DOCK9: variants seen among roughly 807,000 people sequenced by gnomAD.
DOCK9 encodes the protein dedicator of cytokinesis 9, also known as dedicator of cytokinesis protein 9.
Under a neutral mutation model 263.3 loss-of-function variants are expected in DOCK9, and 89 were observed. That is an observed-to-expected ratio of 0.34 (90% CI 0.28 to 0.40). The LOEUF is 0.40. Ranked by LOEUF, DOCK9 falls within the 10% of genes least tolerant of loss-of-function variation. DOCK9 has a pLI of 1.00. For missense variants in DOCK9, 2,140 were observed against 2,603.4 expected (o/e 0.82, Z 3.87); for synonymous variants, 976 against 973.1 (o/e 1.00, Z -0.06).
chr13:98,925,259 T>C (rs1310902453), intron 4 of DOCK9, among the ~76,000 whole-genome samples: 5 of 152,188 alleles, frequency 3.3e-5, no homozygotes, highest in Non-Finnish European at 5.9e-5. Context: ...ATGGAACCTT[T>C]TATAAAAGAT....
In DOCK9 at chr13:98,888,638, A is replaced by G; in HGVS notation, c.1783T>C (p.Phe595Leu). ...DITIDNVSSD[F>L]PNYVNSSYIP... Reference sequence around the variant, plus strand: ...ATGTAGAACTGACACTTACTAGGGAAGTCTGAGGAAACATTATCAATTGTA... The same window carrying G: ...ATGTAGAACTGACACTTACTAGGGAGGTCTGAGGAAACATTATCAATTGTA... Residue 595 changes from phenylalanine (F) to leucine (L), a missense_variant, in exon 16 of 53, where the codon TTC becomes CTC. Phe to Leu is a conservative substitution (Grantham distance 22). Transcript: ENST00000682017. 6.2e-7 allele frequency: 1 copy of G among 1,613,836 alleles called. No individual in the cohort carries two copies. The highest frequency in any genetic ancestry group is 8.5e-7 in the Non-Finnish European group (1 of 1,179,746).
intron 1 of DOCK9, among the ~76,000 whole-genome samples, chr13:98,960,020 A>T (rs2058462425): frequency 6.6e-6 from 1 of 152,152 alleles, no homozygotes; most frequent in Non-Finnish European, 1.5e-5. Context: ...AGTGACAAGA[A>T]CATCACGCTA....
At chr13:98,967,790 C>G (rs77519164) in intron 1 of DOCK9, among the ~76,000 whole-genome samples, 1 of 152,242 alleles carries the variant, frequency 6.6e-6, no homozygotes, top group East Asian at 1.9e-4. Flanking sequence ...TTTTCCACTT[C>G]AAAAATATTA....
At chr13:99,076,556 T>C (rs776714775) in intron 1 of DOCK9, among the ~76,000 whole-genome samples, 3 of 152,158 alleles carry the variant, frequency 2.0e-5, no homozygotes, top group Admixed American at 6.5e-5. Flanking sequence ...ATTGGCAAAT[T>C]AGTCATATGT....
At chr13:98,927,330 A>G (rs2053131172) in intron 3 of DOCK9, among the ~76,000 whole-genome samples, 1 of 152,208 alleles carries the variant, frequency 6.6e-6, no homozygotes, top group Non-Finnish European at 1.5e-5. Flanking sequence ...AGATTTCAGA[A>G]TAATCCATAG....
rs755581664 is a variant in DOCK9 at position 98,824,428 on chromosome 13, G to A, written c.5100C>T (p.Asp1700=). 12 of 1,613,896 alleles carry A rather than the reference G, an allele frequency of 7.4e-6. No homozygotes were observed. In the East Asian group the frequency reaches 1.6e-4, roughly 21 times the overall value. ...TGAAATGGACATCCTGCATCCCCAC[G>A]TCTTCCATCATGGAGGCCTCCTCGT... is the stretch of plus-strand genomic sequence containing the variant. The part of the protein sequence containing the change: ...NIDEEASMME[D]VGMQDVHFNE... Residue 1700 remains aspartate, a synonymous_variant, in exon 45 of 53, where the codon GAC becomes GAT. Transcript: ENST00000682017.
chr13:98,817,451 C>CTTTTTTTTTTTTTTTT lies in DOCK9; in HGVS notation c.5130+6931_5130+6946dup, dbSNP rs10683281. Reference sequence around the variant, plus strand: ...TGTGAGAACAGACTAATACACCCAGCTTTTTTTTTTTTTTTTTTTTTGGTA... The same window carrying CTTTTTTTTTTTTTTTT: ...TGTGAGAACAGACTAATACACCCAGCTTTTTTTTTTTTTTTTTTTTTTTTTTTTTTTTTTTTTGGTA... On this transcript the variant is annotated intron_variant, in intron 45 of 52. Coordinates refer to ENST00000682017, the MANE Select transcript of DOCK9 (RefSeq NM_001366683.2). Among the ~76,000 whole-genome samples the CTTTTTTTTTTTTTTTT allele has an allele frequency of 2.7e-4, 26 of 97,614 alleles. 4 individuals carry two copies. Among genetic ancestry groups the CTTTTTTTTTTTTTTTT allele is most frequent in the African/African-American group, 1.0e-3 (21 of 20,256 alleles). 64.0% of individuals were successfully genotyped at this position (97,614 alleles called of 152,430 possible).
In DOCK9 at chr13:98,794,616, T is replaced by G. The variant is rs766667738; in HGVS notation, c.*10A>C. 12 of 1,579,476 alleles carry G rather than the reference T, an allele frequency of 7.6e-6. No homozygotes were observed. In the East Asian group the frequency reaches 2.3e-4, roughly 30 times the overall value. ...AAAGCAAGTCCCCACACACGGGCCA[T>G]GAGATGTAATCACACGACCGAAGAC... On this transcript the variant is annotated 3_prime_UTR_variant, in exon 53 of 53. Coordinates refer to ENST00000682017, the MANE Select transcript of DOCK9 (RefSeq NM_001366683.2).
At chr13:98,818,008 C>A (rs2092012647) in intron 45 of DOCK9, among the ~76,000 whole-genome samples, 1 of 152,120 alleles carries the variant, frequency 6.6e-6, no homozygotes, top group Non-Finnish European at 1.5e-5. Flanking sequence ...TATAGTTTAT[C>A]AGTCCAAATA....
At chr13:98,862,439 A>G (rs1441479053) in intron 32 of DOCK9, among the ~76,000 whole-genome samples, 5 of 152,222 alleles carry the variant, frequency 3.3e-5, no homozygotes, top group African/African-American at 9.6e-5. Flanking sequence ...CTGTAATCCC[A>G]GAACTTTGGG....
In DOCK9 at chr13:98,829,769, C is replaced by A; in HGVS notation, c.4636-13G>T. The A allele has an allele frequency of 2.5e-6, 4 of 1,581,546 alleles. No individual in the cohort carries two copies. The highest frequency in any genetic ancestry group is 3.4e-6 in the Non-Finnish European group (4 of 1,160,700). The stretch of plus-strand genomic sequence containing the variant: ...CAGATATGATGACCTTAGGGACACA[C>A]AAACATGAGCAAATCAATTTACCTT... On this transcript the variant is annotated splice_polypyrimidine_tract_variant and intron_variant, in intron 41 of 52. Transcript: ENST00000682017. The surrounding 1 kb of genome is among the most constrained non-coding windows in gnomAD (Gnocchi z 4.1).
At position 98,920,967 on chromosome 13, in the gene DOCK9, A is replaced by G. The variant is rs1332745345; in HGVS notation, c.704T>C (p.Met235Thr). ...TTTCATATTTACCTGAACGACACCC[A>G]TACAGGAATCCAGAAATATTGATCC... is the stretch of plus-strand genomic sequence containing the variant. ...PKGSIFLDSC[M>T]GVVQNNKVRR... The change falls in exon 7 of 53, where the codon ATG becomes ACG. Residue 235 changes from methionine to threonine, a missense_variant. This residue lies in a region of DOCK9 where 1,521 missense variants were observed against 1,741.7 expected (regional missense o/e 0.87). Transcript: ENST00000682017. The G allele has an allele frequency of 6.2e-7, 1 of 1,607,994 alleles. No individual in the cohort carries two copies. Among genetic ancestry groups the G allele is most frequent in the Admixed American group, 1.7e-5 (1 of 59,158 alleles).
intron 1 of DOCK9, among the ~76,000 whole-genome samples, chr13:99,047,837 T>C (rs2040508057): frequency 6.6e-6 from 1 of 152,112 alleles, no homozygotes; most frequent in Non-Finnish European, 1.5e-5. Context: ...TCTTGAAGCA[T>C]CAGCCTCAAG....
chr13:98,830,336 C>A (rs2092709737), intron 41 of DOCK9, among the ~76,000 whole-genome samples: 1 of 152,184 alleles, frequency 6.6e-6, no homozygotes, highest in Non-Finnish European at 1.5e-5. Flanking sequence ...AACTCAATCT[C>A]CTCTTCCTTC....
intron 1 of DOCK9, among the ~76,000 whole-genome samples, chr13:99,079,448 T>C (rs989240664): frequency 2.0e-5 from 3 of 152,324 alleles, no homozygotes; most frequent in South Asian, 2.1e-4. Flanking sequence ...AGGTGGTCAA[T>C]AAATGCTGGC....
chr13:98,941,548 T>A (rs2055851391), intron 2 of DOCK9, among the ~76,000 whole-genome samples: 1 of 152,224 alleles, frequency 6.6e-6, no homozygotes, highest in African/African-American at 2.4e-5. Flanking sequence ...TAACTAGTTA[T>A]GAATTAAGTG....
At chr13:98,971,033 T>C (rs2059680350) in intron 1 of DOCK9, among the ~76,000 whole-genome samples, 1 of 152,106 alleles carries the variant, frequency 6.6e-6, no homozygotes, top group Non-Finnish European at 1.5e-5. Context: ...AACTCCACAA[T>C]CCTAAACCTG....
intron 6 of DOCK9, among the ~76,000 whole-genome samples, chr13:98,921,530 C>T (rs1050404446): frequency 1.6e-4 from 24 of 152,156 alleles, no homozygotes; most frequent in African/African-American, 5.6e-4. Context: ...TCCCTGACTC[C>T]CTTGTTTCTC....
upstream of DOCK9, among the ~76,000 whole-genome samples, chr13:98,981,061 G>T (rs9513524): frequency 0.16 from 22,160 of 141,966 alleles, 2,315 homozygotes; most frequent in East Asian, 0.44. Context: ...TTTGTTTTTT[G>T]TTTTTTTTTT....
Sources: gnomAD v4.1 joint callset for allele counts (sites outside exome capture counted in the v4.1 genomes callset) on GRCh38, gnomAD v4.1.1 for gene constraint, gnomAD v4.1.1 regional missense constraint, Gnocchi (gnomAD v3.1) non-coding constraint, MANE v1.5 for transcripts, NCBI Gene and HGNC (gene_info 2026-07-23, HGNC 2026-07-21) for gene names.